CLEC16A: variants seen among roughly 807,000 people sequenced by gnomAD.
CLEC16A encodes the protein C-type lectin domain containing 16A.
CLEC16A carries 51 observed loss-of-function variants against 109.5 expected under a neutral mutation model. That is an observed-to-expected ratio of 0.47 (90% CI 0.37 to 0.59). The LOEUF is 0.59. Among genes scored for constraint, CLEC16A ranks in the 20% least tolerant of loss-of-function variants. The pLI is 0.00. For synonymous variants in CLEC16A, 673 were observed against 564.2 expected, an observed-to-expected ratio of 1.19 and a Z score of -2.73; for missense variants, 1,339 against 1,394.0, an observed-to-expected ratio of 0.96 and a Z score of 0.63.
chr16:11,161,995 G>A (rs1222815874), intron 22 of CLEC16A, among the ~76,000 whole-genome samples: 1 of 152,226 alleles, frequency 6.6e-6, no homozygotes, highest in Non-Finnish European at 1.5e-5. Context: ...GCATGTCCAA[G>A]GTCTCGAAGT....
At position 11,178,720 on chromosome 16, in the gene CLEC16A, T is replaced by C. The variant is rs761695432; in HGVS notation, c.*30T>C. 5 of 1,420,402 alleles carry C rather than the reference T, an allele frequency of 3.5e-6. No individual in the cohort carries two copies. Among genetic ancestry groups the C allele is most frequent in the Non-Finnish European group, 4.6e-6 (5 of 1,079,950 alleles). 88.0% of individuals were successfully genotyped at this position (1,420,402 alleles called of 1,614,324 possible). ...GTGCCGGGGCCTCCCTTTGTGTGTG[T>C]GGCCCCGCTGGTAGGGACCCCAGTG... is the stretch of plus-strand genomic sequence containing the variant. On this transcript the variant is annotated 3_prime_UTR_variant, in exon 24 of 24. Transcript: ENST00000409790. The surrounding 1 kb of genome is among the most constrained non-coding windows in gnomAD (Gnocchi z 6.5).
intron 10 of CLEC16A, among the ~76,000 whole-genome samples, chr16:10,992,984 G>T (rs1005183766): frequency 3.3e-5 from 5 of 152,086 alleles, no homozygotes; most frequent in Non-Finnish European, 7.4e-5. Flanking sequence ...CATGAGAAAT[G>T]GTGAGTCAGA....
intron 19 of CLEC16A, among the ~76,000 whole-genome samples, chr16:11,077,753 T>C (rs960943761): frequency 5.3e-5 from 8 of 152,232 alleles, no homozygotes; most frequent in African/African-American, 1.9e-4. Context: ...CAATGCGTGG[T>C]GCTGCAGGCG....
At chr16:10,986,083 T>G (rs1191615288) in intron 10 of CLEC16A, among the ~76,000 whole-genome samples, 1 of 126,670 alleles carries the variant, frequency 7.9e-6, no homozygotes, top group Non-Finnish European at 1.6e-5. Flanking sequence ...CAGGCTGGAG[T>G]ACAGCGGCAC....
At chr16:10,947,023 A>G (rs1050949167) in intron 1 of CLEC16A, among the ~76,000 whole-genome samples, 20 of 152,260 alleles carry the variant, frequency 1.3e-4, no homozygotes, top group African/African-American at 4.8e-4. Context: ...TTTGCCAGCC[A>G]GCAGGGAATG....
chr16:11,164,977 C>T (rs953911861), intron 22 of CLEC16A, among the ~76,000 whole-genome samples: 1 of 152,042 alleles, frequency 6.6e-6, no homozygotes, highest in Non-Finnish European at 1.5e-5. Context: ...GGGAAGGCTG[C>T]AGGAGTGACC....
chr16:10,994,829 T>A (rs1182641742), intron 10 of CLEC16A, among the ~76,000 whole-genome samples: 2 of 152,240 alleles, frequency 1.3e-5, no homozygotes, highest in African/African-American at 4.8e-5. Context: ...TTTCTCTGAT[T>A]AGTGTGACGT....
intron 9 of CLEC16A, among the ~76,000 whole-genome samples, chr16:10,982,352 T>TA (rs1567538346): frequency 6.6e-6 from 1 of 152,082 alleles, no homozygotes; most frequent in African/African-American, 2.4e-5. Context: ...TGCTGTGGAA[T>TA]CCCCGTGTGC....
intron 19 of CLEC16A, among the ~76,000 whole-genome samples, chr16:11,061,259 A>G (rs2048466062): frequency 6.6e-6 from 1 of 152,216 alleles, no homozygotes; most frequent in South Asian, 2.1e-4. Context: ...TTCTCTAAAA[A>G]GTCTCTGCAG....
rs754552566 is a variant in CLEC16A, at chr16:11,003,118, C to G, written c.1116C>G (p.Leu372=). 2 of 1,613,598 alleles carry G rather than the reference C, an allele frequency of 1.2e-6. No individual in the cohort carries two copies. The highest frequency in any genetic ancestry group is 1.7e-5 in the Admixed American group (1 of 59,994). Residue 372 remains leucine (L), a synonymous_variant, in exon 11 of 24, where the codon CTC becomes CTG. Transcript: ENST00000409790. ...IRCFIKPTET[L]ERSLEMNKHK... ...GCTTCATTAAACCCACCGAGACACT[C>G]GAGCGGTCCCTTGAGATGAACAAGC... is the stretch of plus-strand genomic sequence containing the variant.
intron 13 of CLEC16A, among the ~76,000 whole-genome samples, chr16:11,038,581 A>G (rs191142766): frequency 6.6e-6 from 1 of 152,200 alleles, no homozygotes; most frequent in Admixed American, 6.5e-5. Context: ...AAAGTCACAC[A>G]CTTGCCTGTT....
rs563600247 is a variant in CLEC16A at position 11,090,065 on chromosome 16, G to C, written c.2116+29043G>C. Among the ~76,000 whole-genome samples, 5 of 152,194 alleles carry C rather than the reference G, an allele frequency of 3.3e-5. No individual in the cohort carries two copies. In the East Asian group the frequency reaches 7.7e-4, roughly 24 times the overall value. On this transcript the variant is annotated intron_variant, in intron 19 of 23. Transcript: ENST00000409790. ...CTTGGTCGTTGTTTATTTTAAAATA[G>C]TCCCAGAAATACGCTTGCTTATTTA...
At chr16:11,056,319 G>T (rs1227196701) in intron 18 of CLEC16A, among the ~76,000 whole-genome samples, 3 of 152,176 alleles carry the variant, frequency 2.0e-5, no homozygotes, top group Non-Finnish European at 4.4e-5. Context: ...CAGAGTAGAC[G>T]AGTGTGGCTG....
chr16:11,051,700 A>T, intron 18 of CLEC16A, 59 bp downstream of exon 18: 1 of 1,591,894 alleles, frequency 6.3e-7, no homozygotes, highest in Non-Finnish European at 8.6e-7. Context: ...CCACTCCCAG[A>T]CCAGGGAGGA....
chr16:11,067,936 C>T (rs1040768917), intron 19 of CLEC16A, among the ~76,000 whole-genome samples: 1 of 152,200 alleles, frequency 6.6e-6, no homozygotes, highest in Non-Finnish European at 1.5e-5. Flanking sequence ...ACCTTTGAAG[C>T]TAATTATTAA....
At chr16:10,972,055 A>AG (rs2042815907) in intron 5 of CLEC16A, among the ~76,000 whole-genome samples, 1 of 152,260 alleles carries the variant, frequency 6.6e-6, no homozygotes, top group East Asian at 1.9e-4. Flanking sequence ...GGACCCACCC[A>AG]GGGGTCGCAA....
chr16:11,082,819 T>G (rs1181470916), intron 19 of CLEC16A, among the ~76,000 whole-genome samples: 3 of 152,196 alleles, frequency 2.0e-5, no homozygotes, highest in Non-Finnish European at 4.4e-5. Context: ...GTACCCTAGT[T>G]TTGTTTAGTT....
chr16:11,065,752 C>T (rs1025370670), intron 19 of CLEC16A, among the ~76,000 whole-genome samples: 2 of 152,126 alleles, frequency 1.3e-5, no homozygotes, highest in Non-Finnish European at 2.9e-5. Flanking sequence ...GAAGCTTCTA[C>T]GAGAAAGCAC....
chr16:11,161,137 C>T (rs1008867132), intron 22 of CLEC16A, among the ~76,000 whole-genome samples: 3 of 152,230 alleles, frequency 2.0e-5, no homozygotes, highest in Admixed American at 1.3e-4. Context: ...ACAAAACCCT[C>T]TTAACCTAGA....
Sources: allele counts gnomAD v4.1 joint callset (sites outside exome capture counted in the v4.1 genomes callset), GRCh38; gene constraint gnomAD v4.1.1; non-coding constraint Gnocchi (gnomAD v3.1); transcripts MANE v1.5; gene names NCBI Gene and HGNC (gene_info 2026-07-23, HGNC 2026-07-21).